The following DOK7 variants were observed in gnomAD, a reference collection of about 807,000 sequenced individuals.
DOK7 encodes docking protein 7, also known as protein Dok-7.
Under a neutral mutation model 30.7 loss-of-function variants are expected in DOK7, and 32 were observed. The observed-to-expected ratio is 1.04, with a 90% CI of 0.79 to 1.40. The LOEUF (loss-of-function observed/expected upper bound fraction) is 1.40. DOK7 is among the 40% of genes most tolerant of loss of function. The pLI is 0.00. For synonymous variants in DOK7, 447 were observed against 324.1 expected, an observed-to-expected ratio of 1.38 and a Z score of -4.07; for missense variants, 1,007 against 699.2, an observed-to-expected ratio of 1.44 and a Z score of -4.97.
chr4:3,497,344 G>A (rs1420181083), downstream of DOK7, among the ~76,000 whole-genome samples: 2 of 152,098 alleles, frequency 1.3e-5, no homozygotes, highest in African/African-American at 4.8e-5. Flanking sequence ...CTGGTGGTGA[G>A]CGACTCGGCG....
intron 4 of DOK7, among the ~76,000 whole-genome samples, chr4:3,476,877 C>G (rs1401198461): frequency 6.6e-6 from 1 of 152,260 alleles, no homozygotes; most frequent in Non-Finnish European, 1.5e-5. Flanking sequence ...AGAACAAACG[C>G]ATTTAGCAGT....
intron 4 of DOK7, 27 bp downstream of exon 4, chr4:3,476,569 G>GGCA: frequency 1.2e-6 from 2 of 1,612,880 alleles, no homozygotes; most frequent in Non-Finnish European, 1.7e-6. Context: ...GGGGTCACTG[G>GGCA]GCAGCAGCAG....
chr4:3,463,607 G>A (rs2109312750), intron 2 of DOK7, 56 bp downstream of exon 2: 2 of 1,519,794 alleles, frequency 1.3e-6, no homozygotes, highest in East Asian at 2.5e-5. Context: ...GGGTTACCGA[G>A]GCCCGGGGCA....
chr4:3,483,631 G>T (rs988690780), intron 4 of DOK7, among the ~76,000 whole-genome samples: 15 of 152,316 alleles, frequency 9.8e-5, no homozygotes, highest in African/African-American at 3.4e-4. Context: ...ATGCGGGGCC[G>T]GCTCCACTCC....
At chr4:3,499,562 G>A (rs541547817) in intron 6 of DOK7, among the ~76,000 whole-genome samples, 1 of 152,300 alleles carries the variant, frequency 6.6e-6, no homozygotes, top group East Asian at 1.9e-4. Context: ...CGGGCCTGTG[G>A]GGTCCCCTCC....
downstream of DOK7, among the ~76,000 whole-genome samples, chr4:3,497,885 A>C (rs1283319157): frequency 6.6e-6 from 1 of 152,108 alleles, no homozygotes; most frequent in Non-Finnish European, 1.5e-5. Context: ...GCCCTGCCCC[A>C]AGGGTCCTCC....
At chr4:3,476,939 G>T (rs1360339025) in intron 4 of DOK7, among the ~76,000 whole-genome samples, 2 of 152,246 alleles carry the variant, frequency 1.3e-5, no homozygotes, top group Non-Finnish European at 2.9e-5. Context: ...CTTGGACCAA[G>T]AATTCCTGGT....
intron 2 of DOK7, among the ~76,000 whole-genome samples, chr4:3,465,840 G>A (rs532636651): frequency 6.6e-6 from 1 of 152,376 alleles, no homozygotes; most frequent in Non-Finnish European, 1.5e-5. Context: ...GGGGAGGAGG[G>A]TGGTCTGTGT....
chr4:3,494,709 C>T (rs536230736), downstream of DOK7, among the ~76,000 whole-genome samples: 9 of 152,100 alleles, frequency 5.9e-5, no homozygotes, highest in Middle Eastern at 3.2e-3. Flanking sequence ...GGTGTGTGCA[C>T]GTGTGGCACA....
intron 6 of DOK7, 121 bp from the exon 7 acceptor site, chr4:3,492,638 G>A: frequency 1.4e-6 from 2 of 1,403,760 alleles, no homozygotes. Context: ...GGGGCTTGGG[G>A]GCTGGAAGGG....
At chr4:3,498,459 G>A (rs924027862), downstream of DOK7, among the ~76,000 whole-genome samples, 1 of 152,212 alleles carries the variant, frequency 6.6e-6, no homozygotes, top group Non-Finnish European at 1.5e-5. Context: ...GAGCAAACTT[G>A]GAAGAACGGA....
At chr4:3,496,949 G>C (rs1728943890), downstream of DOK7, 5 of 460,904 alleles carry the variant, frequency 1.1e-5, no homozygotes, top group Admixed American at 1.1e-4. Context: ...AGTTTGACTA[G>C]ATGGGGAGGG....
At chr4:3,463,635 A>C (rs1309791458) in intron 2 of DOK7, 84 bp downstream of exon 2, 2 of 1,478,358 alleles carry the variant, frequency 1.4e-6, no homozygotes, top group Admixed American at 2.0e-5. Context: ...CAGCTTGCCC[A>C]AAATCGCCGC....
At chr4:3,474,493 T>G (rs894752849) in intron 3 of DOK7, among the ~76,000 whole-genome samples, 2 of 152,160 alleles carry the variant, frequency 1.3e-5, no homozygotes, top group Admixed American at 6.5e-5. Flanking sequence ...CAGACCACCC[T>G]GGGCAACGTG....
At chr4:3,472,825 G>A (rs1446456280) in intron 2 of DOK7, among the ~76,000 whole-genome samples, 1 of 148,686 alleles carries the variant, frequency 6.7e-6, no homozygotes, top group Non-Finnish European at 1.5e-5. Flanking sequence ...GTGCTGGGCA[G>A]TGGCCGGGTG....
At chr4:3,472,578 C>T (rs55656219) in intron 2 of DOK7, among the ~76,000 whole-genome samples, 6,552 of 152,302 alleles carry the variant, frequency 0.043, 487 homozygotes, top group African/African-American at 0.15. Context: ...CTGCCCCCGC[C>T]ATTCACAGGA....
At chr4:3,491,545 A>AC (rs1728456085) in intron 6 of DOK7, among the ~76,000 whole-genome samples, 1 of 18,082 alleles carries the variant, frequency 5.5e-5, no homozygotes, top group Non-Finnish European at 1.3e-4. Flanking sequence ...TCCTTCTCCC[A>AC]CCTATTCATT....
At chr4:3,468,231 TG>T (rs1209793527) in intron 2 of DOK7, among the ~76,000 whole-genome samples, 2 of 150,554 alleles carry the variant, frequency 1.3e-5, no homozygotes, top group African/African-American at 2.5e-5. Context: ...AATACCTGTG[TG>T]GGGGTGTATG....
At chr4:3,500,979 AG>A (rs1560243166) in exon 8 of DOK7, 4 of 1,284,646 alleles carry the variant, frequency 3.1e-6, no homozygotes, top group Middle Eastern at 2.8e-4. Context: ...TGGTGCAAAC[AG>A]GAAGTTTTCA....
Sources: allele counts gnomAD v4.1 joint callset (sites outside exome capture counted in the v4.1 genomes callset), GRCh38; gene constraint gnomAD v4.1.1; transcripts MANE v1.5; gene names NCBI Gene and HGNC (gene_info 2026-07-23, HGNC 2026-07-21).